Variants in C16orf96 observed in about 807,000 individuals in gnomAD.
The protein encoded by C16orf96 is uncharacterized protein C16orf96.
C16orf96 carries 108 observed loss-of-function variants against 103.6 expected under a neutral mutation model. The observed-to-expected ratio is 1.04, with a 90% CI of 0.89 to 1.22. The LOEUF is 1.22. Ranked by LOEUF, C16orf96 falls within the 50% of genes most tolerant of loss-of-function variation. The pLI is 0.00. For synonymous variants in C16orf96, 566 were observed against 593.5 expected, an observed-to-expected ratio of 0.95 and a Z score of 0.67; for missense variants, 1,586 against 1,464.2, an observed-to-expected ratio of 1.08 and a Z score of -1.36.
Position 4,556,614 on chromosome 16 carries a change from T to A in C16orf96, c.125T>A (p.Leu42His). ...GILEHIHMAE[L>H]KKVLSGDEDF... ...TTGGAGCACATCCACATGGCCGAGC[T>A]CAAGAAAGTCCTCTCAGGCGATGAG... is the stretch of plus-strand genomic sequence containing the variant. The change falls in exon 1 of 16, where the codon CTC becomes CAC. Residue 42 changes from leucine to histidine, a missense_variant. Leu to His is a moderately conservative substitution (Grantham distance 99). Transcript: ENST00000444310. 1 of 1,551,664 alleles carries A rather than the reference T, an allele frequency of 6.4e-7. No individual in the cohort carries two copies. The highest frequency in any genetic ancestry group is 8.7e-7 in the Non-Finnish European group (1 of 1,147,004).
intron 1 of C16orf96, among the ~76,000 whole-genome samples, chr16:4,562,623 A>G (rs540494484): frequency 6.6e-6 from 1 of 152,310 alleles, no homozygotes; most frequent in Non-Finnish European, 1.5e-5. Flanking sequence ...GCAATCCTTA[A>G]TAAAGTTGAC....
intron 5 of C16orf96, among the ~76,000 whole-genome samples, chr16:4,577,041 AT>A (rs1402530959): frequency 6.6e-6 from 1 of 151,806 alleles, no homozygotes; most frequent in African/African-American, 2.4e-5. Flanking sequence ...AAAATACAAA[AT>A]TTGCTGGGCG....
At chr16:4,592,928 G>C (rs1474853620) in intron 11 of C16orf96, among the ~76,000 whole-genome samples, 1 of 152,208 alleles carries the variant, frequency 6.6e-6, no homozygotes, top group African/African-American at 2.4e-5. Context: ...GCCCACCTCA[G>C]CCTCCCAAAG....
chr16:4,589,685 T>C (rs956661860), intron 9 of C16orf96, among the ~76,000 whole-genome samples: 1 of 151,994 alleles, frequency 6.6e-6, no homozygotes, highest in Admixed American at 6.6e-5. Flanking sequence ...TTGAACCACA[T>C]CTACAAATGG....
intron 7 of C16orf96, among the ~76,000 whole-genome samples, 185 bp downstream of exon 7, chr16:4,580,310 A>ACACC (rs1555506247): frequency 1.9e-5 from 2 of 104,506 alleles, no homozygotes; most frequent in African/African-American, 3.2e-5. Context: ...GAATCCCACC[A>ACACC]CCCCCCCCCA....
rs1165003327 is a variant in C16orf96, at chr16:4,600,093, T to A, written c.3209-7T>A. 3 of 1,550,140 alleles carry A rather than the reference T, an allele frequency of 1.9e-6. No individual in the cohort carries two copies. The African/African-American group carries it at 4.1e-5, about 21-fold the overall frequency. On this transcript the variant is annotated splice_polypyrimidine_tract_variant and splice_region_variant and intron_variant, in intron 15 of 15. Transcript: ENST00000444310. ...ACACATCTAGGGTTTCTCCTGCCCC[T>A]CCCCAGCCCTGTGCCCCCGCTCCAG...
chr16:4,546,223 A>G, the C16orf96 span, among the ~76,000 whole-genome samples: 1 of 147,944 alleles, frequency 6.8e-6, no homozygotes, highest in African/African-American at 2.5e-5. Flanking sequence ...CAGTGGTGTA[A>G]TCTCGGCTCA....
chr16:4,549,334 G>C, the C16orf96 span, among the ~76,000 whole-genome samples: 1 of 151,998 alleles, frequency 6.6e-6, no homozygotes, highest in Non-Finnish European at 1.5e-5. Context: ...TTAGCCAGGC[G>C]TGGTGGCGGG....
chr16:4,589,586 T>G (rs1897009505), intron 9 of C16orf96, among the ~76,000 whole-genome samples: 1 of 141,696 alleles, frequency 7.1e-6, no homozygotes, highest in Admixed American at 7.1e-5. Context: ...GCACTCAGAG[T>G]GAAACCCTAT....
chr16:4,599,974 G>T, intron 15 of C16orf96, 126 bp from the exon 16 acceptor site: 2 of 986,028 alleles, frequency 2.0e-6, no homozygotes, highest in South Asian at 3.2e-5. Flanking sequence ...TGCCCAGCCG[G>T]CCATGGCCTG....
upstream of C16orf96, among the ~76,000 whole-genome samples, chr16:4,555,188 A>G (rs1378054984): frequency 4.8e-4 from 72 of 150,168 alleles, no homozygotes; most frequent in Admixed American, 9.9e-4. Flanking sequence ...GCTTGAACCC[A>G]GGAGGCGGAG....
intron 2 of C16orf96, among the ~76,000 whole-genome samples, chr16:4,572,337 T>A (rs1695277068): frequency 7.1e-6 from 1 of 140,592 alleles, no homozygotes; most frequent in Non-Finnish European, 1.5e-5. Flanking sequence ...TCTCGCTCTG[T>A]TGCCCAGGCT....
rs750784266 is a variant in C16orf96 at position 4,599,286 on chromosome 16, G to T, written c.3130G>T (p.Val1044Leu). The T allele has an allele frequency of 4.5e-6, 7 of 1,551,576 alleles. 1 individual carries two copies. In the South Asian group the frequency reaches 4.8e-5, roughly 11 times the overall value. Residue 1044 changes from valine (V) to leucine (L), a missense_variant and splice_region_variant, in exon 15 of 16, where the codon GTG becomes TTG. Coordinates refer to ENST00000444310, the MANE Select transcript of C16orf96 (RefSeq NM_001145011.2). ...PLAVAKELAA[V>L]KAPSPPSQSL... ...TGTCTCTTTTCTTTTCTGCTAAGCT[G>T]TGAAGGCTCCATCTCCCCCGTCACA...
intron 1 of C16orf96, chr16:4,561,775 A>G (rs1350648639): frequency 1.3e-5 from 2 of 152,192 alleles, no homozygotes; most frequent in Non-Finnish European, 2.9e-5. Context: ...CTGCACAGCT[A>G]ACTGTCTGCA....
chr16:4,599,364 C>G lies in C16orf96; in HGVS notation c.3208C>G (p.Pro1070Ala). 6.4e-7 allele frequency: 1 copy of G among 1,551,264 alleles called. No homozygotes were observed. ...SSALFGAICP[P>A]LCPRSSACSA... ...TGCCCTATTTGGCGCCATCTGCCCCCGTGAGTACCTGGTTCCCAGCCCCAG... is the reference window on the plus strand; with the variant it reads ...TGCCCTATTTGGCGCCATCTGCCCCGGTGAGTACCTGGTTCCCAGCCCCAG... Residue 1070 changes from proline (P) to alanine (A), a missense_variant and splice_region_variant, in exon 15 of 16, where the codon CCC becomes GCC. Pro to Ala is a conservative substitution (Grantham distance 27). Transcript: ENST00000444310.
chr16:4,579,551 C>T (rs2059556629), intron 6 of C16orf96, among the ~76,000 whole-genome samples: 1 of 43,866 alleles, frequency 2.3e-5, no homozygotes, highest in African/African-American at 7.5e-5. Flanking sequence ...AAGGCCCTGT[C>T]TCAAAAAAAA....
At chr16:4,540,299 G>T in the C16orf96 span, among the ~76,000 whole-genome samples, 2 of 152,208 alleles carry the variant, frequency 1.3e-5, no homozygotes, top group African/African-American at 4.8e-5. Context: ...CGATGCTGAG[G>T]CAGGGGCATG....
At chr16:4,543,372 C>G in the C16orf96 span, among the ~76,000 whole-genome samples, 1 of 152,054 alleles carries the variant, frequency 6.6e-6, no homozygotes, top group Admixed American at 6.6e-5. Context: ...ACATGAGGGC[C>G]TTATAGACCA....
chr16:4,597,763 G>C (rs1897204116), intron 14 of C16orf96, among the ~76,000 whole-genome samples: 1 of 152,048 alleles, frequency 6.6e-6, no homozygotes, highest in Non-Finnish European at 1.5e-5. Context: ...TGCCATGTTG[G>C]CCAGGCTGGT....
Sources: allele counts gnomAD v4.1 joint callset (sites outside exome capture counted in the v4.1 genomes callset), GRCh38; gene constraint gnomAD v4.1.1; transcripts MANE v1.5; gene names NCBI Gene and HGNC (gene_info 2026-07-23, HGNC 2026-07-21).